The following PTPN9 variants were observed in gnomAD, a reference collection of about 807,000 sequenced individuals.
The protein encoded by PTPN9 is tyrosine-protein phosphatase non-receptor type 9.
In PTPN9, 26 loss-of-function variants were observed where a neutral mutation model predicts 69.8. The observed-to-expected ratio is 0.37, with a 90% CI of 0.27 to 0.52. PTPN9 has a LOEUF of 0.52. Ranked by LOEUF, PTPN9 falls within the 20% of genes least tolerant of loss-of-function variation. The pLI, the probability that PTPN9 is intolerant of heterozygous loss-of-function variation, is 0.91. For missense variants in PTPN9, 549 were observed against 740.3 expected, an observed-to-expected ratio of 0.74 and a Z score of 3.00; for synonymous variants, 274 against 272.5, an observed-to-expected ratio of 1.01 and a Z score of -0.05.
At chr15:75,487,232 A>G (rs1388126847) in intron 8 of PTPN9, 1 of 152,126 alleles carries the variant, frequency 6.6e-6, no homozygotes, top group Non-Finnish European at 1.5e-5. Flanking sequence ...ATGGAAAAAT[A>G]GCCCCATAGG....
chr15:75,522,530 A>T (rs2074910077), intron 4 of PTPN9, among the ~76,000 whole-genome samples: 1 of 151,952 alleles, frequency 6.6e-6, no homozygotes, highest in African/African-American at 2.4e-5. Context: ...ACCTCCCCCA[A>T]GAAGCTGGGA....
intron 7 of PTPN9, among the ~76,000 whole-genome samples, chr15:75,492,644 G>A (rs2074717195): frequency 6.6e-6 from 1 of 152,168 alleles, no homozygotes; most frequent in African/African-American, 2.4e-5. Context: ...CTGTCATTTG[G>A]AGAATACCCA....
At chr15:75,525,242 T>C (rs1206614678) in intron 2 of PTPN9, among the ~76,000 whole-genome samples, 1 of 151,864 alleles carries the variant, frequency 6.6e-6, no homozygotes, top group East Asian at 1.9e-4. Context: ...ACACTGTTGC[T>C]GAGGCTGGAG....
At chr15:75,531,589 T>G (rs2074964399) in intron 1 of PTPN9, among the ~76,000 whole-genome samples, 1 of 151,656 alleles carries the variant, frequency 6.6e-6, no homozygotes, top group African/African-American at 2.4e-5. Context: ...TTCTGCTTTT[T>G]TTTTTTCTTT....
Position 75,578,862 on chromosome 15 carries a change from G to A in PTPN9, c.-86C>T. 2 of 950,510 alleles carry A rather than the reference G, an allele frequency of 2.1e-6. No individual in the cohort carries two copies. Among genetic ancestry groups the A allele is most frequent in the Non-Finnish European group, 2.7e-6 (2 of 746,870 alleles). 58.9% of individuals were successfully genotyped at this position (950,510 alleles called of 1,614,324 possible). A position where few individuals can be genotyped will look rare whatever the true frequency, so the allele number is the denominator to read the frequency against. ...TCGGCCTCCGCTTCCGCGTCCCCGC[G>A]CCTCAGCAGCCCGGGGCCGGCTCGC... On this transcript the variant is annotated 5_prime_UTR_variant, in exon 1 of 13. Coordinates refer to ENST00000618819, the MANE Select transcript of PTPN9 (RefSeq NM_002833.4).
Position 75,511,446 on chromosome 15 carries a change from G to A in PTPN9, c.529-2419C>T, listed in dbSNP as rs988807235. Among the ~76,000 whole-genome samples, 5 of 151,924 alleles carry A rather than the reference G, an allele frequency of 3.3e-5. No individual in the cohort carries two copies. In the South Asian group the frequency reaches 6.2e-4, roughly 19 times the overall value. ...GAATAAAAATACAAATGGTTTCATC[G>A]TGTTGCCCAGGCTGGTTTCAAACTA... On this transcript the variant is annotated intron_variant, in intron 5 of 12. Coordinates refer to ENST00000618819, the MANE Select transcript of PTPN9 (RefSeq NM_002833.4).
intron 8 of PTPN9, among the ~76,000 whole-genome samples, chr15:75,489,887 T>C (rs553400643): frequency 2.6e-5 from 4 of 152,246 alleles, no homozygotes; most frequent in South Asian, 4.1e-4. Context: ...ACCAAAGGAA[T>C]TGCACTATAT....
rs533065145 is a variant in PTPN9 at position 75,492,030 on chromosome 15, G to A, written c.969-1729C>T. On this transcript the variant is annotated intron_variant, in intron 7 of 12. Transcript: ENST00000618819. ...CTCAGTCCCAGATGCACACCACCAC[G>A]CCCAGCTAATTTTTAAATTTTTTGT... Among the ~76,000 whole-genome samples the A allele has an allele frequency of 7.9e-5, 12 of 152,082 alleles. No individual in the cohort carries two copies. In the South Asian group the frequency reaches 2.3e-3, roughly 29 times the overall value.
Position 75,539,277 on chromosome 15 carries a change from T to A in PTPN9, c.64-12016A>T, listed in dbSNP as rs1299006980. On this transcript the variant is annotated intron_variant, in intron 1 of 12. Coordinates refer to ENST00000618819, the MANE Select transcript of PTPN9 (RefSeq NM_002833.4). Reference sequence around the variant, plus strand: ...TTTATCTTTAGTAAACAAATTACATTTACTATCTTCTCTCTGAAGGAAGTT... The same window carrying A: ...TTTATCTTTAGTAAACAAATTACATATACTATCTTCTCTCTGAAGGAAGTT... Among the ~76,000 whole-genome samples the A allele has an allele frequency of 2.0e-5, 3 of 150,848 alleles. No individual in the cohort carries two copies. In the East Asian group the frequency reaches 5.9e-4, roughly 30 times the overall value.
At chr15:75,531,494 G>A (rs1255249682) in intron 1 of PTPN9, among the ~76,000 whole-genome samples, 2 of 152,082 alleles carry the variant, frequency 1.3e-5, no homozygotes, top group African/African-American at 2.4e-5. Flanking sequence ...AAAAAGAAGT[G>A]AGCACAGAAA....
chr15:75,513,458 A>G (rs1250359355), intron 5 of PTPN9: 2 of 452,606 alleles, frequency 4.4e-6, no homozygotes, highest in Non-Finnish European at 8.9e-6. Context: ...ACAGAGTGAC[A>G]TGTCAGATTG....
rs1448157221 is a variant in PTPN9 at position 75,530,502 on chromosome 15, TTATAA to T, written c.64-3246_64-3242del. On this transcript the variant is annotated intron_variant, in intron 1 of 12. Transcript: ENST00000618819. ...AAAATATATATTATAATATATTATA[TTATAA>T]TATATTATAATATAATTTATTATAT... is the stretch of plus-strand genomic sequence containing the variant. 2.5e-4 allele frequency among the ~76,000 whole-genome samples: 21 copies of T among 85,134 alleles called. No individual in the cohort carries two copies. The East Asian group carries it at 4.6e-3, about 19-fold the overall frequency. The allele number at this position is 85,134 out of a possible 152,430, so 55.9% of individuals were successfully genotyped here.
Position 75,562,902 on chromosome 15 carries a change from CAA to C in PTPN9, c.63+15810_63+15811del, listed in dbSNP as rs529225262. On this transcript the variant is annotated intron_variant, in intron 1 of 12. Transcript: ENST00000618819. ...CAAAAAAGTTTCACTCATTCTTTAGCAAACATATTTTAGTTTGTTTTCTGTTT... is the reference window on the plus strand; with the variant it reads ...CAAAAAAGTTTCACTCATTCTTTAGCACATATTTTAGTTTGTTTTCTGTTT... Among the ~76,000 whole-genome samples the C allele has an allele frequency of 8.9e-4, 135 of 151,130 alleles. 2 individuals are homozygous for C. The highest frequency in any genetic ancestry group is 7.9e-4 in the Admixed American group (12 of 15,146).
In PTPN9 at chr15:75,579,288, C is replaced by A. The variant is rs900328698; in HGVS notation, c.-512G>T. The A allele has an allele frequency of 1.3e-5, 2 of 152,180 alleles. No individual in the cohort carries two copies. Among genetic ancestry groups the A allele is most frequent in the East Asian group, 3.9e-4 (2 of 5,164 alleles). The allele number at this position is 152,180 out of a possible 1,614,324, so 9.4% of individuals were successfully genotyped here. A position where few individuals can be genotyped will look rare whatever the true frequency, so the allele number is the denominator to read the frequency against. ...GACCTGCGCGGCTGCCTCAGCCAGG[C>A]TCCTCGCGGGCGGCCGCAGCGAAAG... On this transcript the variant is annotated 5_prime_UTR_variant, in exon 1 of 13. Transcript: ENST00000618819.
rs184570944 is a variant in PTPN9 at position 75,533,697 on chromosome 15, A to G, written c.64-6436T>C. Among the ~76,000 whole-genome samples, 4 of 152,360 alleles carry G rather than the reference A, an allele frequency of 2.6e-5. No individual in the cohort carries two copies. In the East Asian group the frequency reaches 5.8e-4, roughly 22 times the overall value. ...ATAAAGATACTAGAGAACCTGCTATAAAACAGCTGAGAAAGCTGTCAATTA... is the reference window on the plus strand; with the variant it reads ...ATAAAGATACTAGAGAACCTGCTATGAAACAGCTGAGAAAGCTGTCAATTA... On this transcript the variant is annotated intron_variant, in intron 1 of 12. Coordinates refer to ENST00000618819, the MANE Select transcript of PTPN9 (RefSeq NM_002833.4).
At chr15:75,478,387 G>C (rs1159918955) in intron 9 of PTPN9, among the ~76,000 whole-genome samples, 1 of 152,168 alleles carries the variant, frequency 6.6e-6, no homozygotes, top group Non-Finnish European at 1.5e-5. Flanking sequence ...TTACAGGTGT[G>C]AGCCATTGTG....
At chr15:75,504,392 G>A (rs1207225232) in intron 7 of PTPN9, among the ~76,000 whole-genome samples, 77 of 116,214 alleles carry the variant, frequency 6.6e-4, no homozygotes, top group Middle Eastern at 5.9e-3. Context: ...GGGGGGCTCA[G>A]CCCCCCGCCC....
chr15:75,510,004 ATAAAAATT>A (rs1249929471), intron 5 of PTPN9, among the ~76,000 whole-genome samples: 1 of 152,228 alleles, frequency 6.6e-6, no homozygotes, highest in Non-Finnish European at 1.5e-5. Flanking sequence ...ACAATAATAA[ATAAAAATT>A]TAAAAATTTT....
At chr15:75,507,461 A>G (rs1024857782) in intron 6 of PTPN9, among the ~76,000 whole-genome samples, 37 of 149,364 alleles carry the variant, frequency 2.5e-4, no homozygotes, top group Non-Finnish European at 4.2e-4. Context: ...AAAAAAAAAA[A>G]AAAAGAAAGA....
Sources: allele counts gnomAD v4.1 joint callset (sites outside exome capture counted in the v4.1 genomes callset), GRCh38; gene constraint gnomAD v4.1.1; transcripts MANE v1.5; gene names NCBI Gene and HGNC (gene_info 2026-07-23, HGNC 2026-07-21).